Variants in NAPSA observed in about 807,000 individuals in gnomAD.
The protein encoded by NAPSA is napsin-A.
A neutral mutation model predicts 36.7 loss-of-function variants in NAPSA; 37 were observed. The ratio of observed to expected loss-of-function variants is 1.01; its 90% CI spans 0.78 to 1.33. The LOEUF is 1.33. NAPSA is among the 40% of genes most tolerant of loss of function. The probability of loss-of-function intolerance (pLI) is 0.00; values close to 1 mark genes in which losing one functional copy is unlikely to be tolerated. For synonymous variants in NAPSA, 222 were observed against 234.5 expected, an observed-to-expected ratio of 0.95 and a Z score of 0.49; for missense variants, 532 against 543.8, an observed-to-expected ratio of 0.98 and a Z score of 0.21.
At position 50,358,798 on chromosome 19, in the gene NAPSA, G is replaced by A. The variant is rs770333381; in HGVS notation, c.1036-18C>T. On this transcript the variant is annotated intron_variant, in intron 8 of 8. Transcript: ENST00000253719. ...CGAGTAGTCTGCAAGGCAACAAGAC[G>A]ACAACTGGGTGTCGCGGCCACAAGG... 4.4e-6 allele frequency: 7 copies of A among 1,591,178 alleles called. No individual in the cohort carries two copies. The East Asian group carries it at 9.0e-5, about 20-fold the overall frequency.
chr19:50,361,216 G>A (rs1195689877), intron 4 of NAPSA, 76 bp from the exon 5 acceptor site: 2 of 1,299,254 alleles, frequency 1.5e-6, no homozygotes, highest in African/African-American at 2.9e-5. Context: ...CCCAAACCAA[G>A]GCATGAATCC....
Position 50,359,631 on chromosome 19 carries a change from C to T in NAPSA, c.808G>A (p.Gly270Arg), listed in dbSNP as rs774413836. Residue 270 changes from glycine (G) to arginine (R), a missense_variant, in exon 7 of 9, where the codon GGG (glycine) becomes AGG (arginine). Gly to Arg is a moderately radical substitution (Grantham distance 125, BLOSUM62 -2). Transcript: ENST00000253719. Reference sequence around the variant, plus strand: ...CAGCCCTTGGCACAGAGAGTCAGCCCTGGGCCCACCTTCACACTGAGGGGG... The same window carrying T: ...CAGCCCTTGGCACAGAGAGTCAGCCTTGGGCCCACCTTCACACTGAGGGGG... ...IHMERVKVGP[G>R]LTLCAKGCAA... The T allele has an allele frequency of 6.2e-7, 1 of 1,614,228 alleles. No homozygotes were observed. Among genetic ancestry groups the T allele is most frequent in the East Asian group, 2.2e-5 (1 of 44,886 alleles).
Position 50,358,684 on chromosome 19 carries a change from A to G in NAPSA, c.1132T>C (p.Leu378=). 3.1e-6 allele frequency: 5 copies of G among 1,613,510 alleles called. No homozygotes were observed. Among genetic ancestry groups the G allele is most frequent in the Non-Finnish European group, 4.2e-6 (5 of 1,179,996 alleles). The change falls in exon 9 of 9, where the codon TTG becomes CTG. Residue 378 remains leucine, a synonymous_variant. Coordinates refer to ENST00000253719, the MANE Select transcript of NAPSA (RefSeq NM_004851.3). ...GPFWILGDVF[L]GTYVAVFDRG... is the part of the protein sequence containing the mutation. Reference sequence around the variant, plus strand: ...TCGAAGACGGCCACATACGTCCCCAAGAAGACGTCACCGAGGATCCAGAAG... The same window carrying G: ...TCGAAGACGGCCACATACGTCCCCAGGAAGACGTCACCGAGGATCCAGAAG...
At chr19:50,364,808 A>G (rs1412281646) in intron 1 of NAPSA, among the ~76,000 whole-genome samples, 2 of 147,724 alleles carry the variant, frequency 1.4e-5, no homozygotes, top group South Asian at 2.1e-4. Flanking sequence ...CCTGGCAAAC[A>G]TGGCGAAACC....
chr19:50,366,997 G>A (rs7252804), upstream of NAPSA, among the ~76,000 whole-genome samples: 2,226 of 152,124 alleles, frequency 0.015, 48 homozygotes, highest in African/African-American at 0.049. Flanking sequence ...GCTAGTTTTT[G>A]TATTTTTAGT....
intron 8 of NAPSA, 73 bp from the exon 9 acceptor site, chr19:50,358,853 C>T (rs2037431365): frequency 2.8e-6 from 4 of 1,417,176 alleles, no homozygotes; most frequent in Non-Finnish European, 3.8e-6. Context: ...CCCGTCCATC[C>T]CCCCCACCCT....
At chr19:50,363,041 T>G (rs1484907222) in intron 1 of NAPSA, among the ~76,000 whole-genome samples, 1 of 152,182 alleles carries the variant, frequency 6.6e-6, no homozygotes, top group Non-Finnish European at 1.5e-5. Flanking sequence ...TTCTTTGCAT[T>G]GACTTAGAAA....
upstream of NAPSA, chr19:50,365,750 C>T (rs1013506436): frequency 3.5e-5 from 24 of 693,336 alleles, no homozygotes; most frequent in East Asian, 2.0e-4. Context: ...CCGCAGGTGA[C>T]GCAGTGGGAC....
At chr19:50,367,572 CTCTCTCTCTGTCTCTG>C (rs1447772552), upstream of NAPSA, among the ~76,000 whole-genome samples, 12 of 150,974 alleles carry the variant, frequency 7.9e-5, no homozygotes, top group African/African-American at 2.9e-4. Context: ...CTCTCTCTCT[CTCTCTCTCTGTCTCTG>C]TCTCTCTCTC....
In NAPSA at chr19:50,358,622, C is replaced by G. The variant is rs769287848; in HGVS notation, c.1194G>C (p.Leu398=). 8 of 1,612,648 alleles carry G rather than the reference C, an allele frequency of 5.0e-6. No homozygotes were observed. Among genetic ancestry groups the G allele is most frequent in the South Asian group, 1.1e-5 (1 of 91,036 alleles). ...CCGCTCCGCGAGTGCGAGCGCGCGC[C>G]AGGCCCACCCGGGCGCTGCTCTTCA... ...GDMKSSARVG[L]ARARTRGADL... is the part of the protein sequence containing the mutation. The change falls in exon 9 of 9, where the codon CTG becomes CTC. Residue 398 remains leucine, a synonymous_variant. Coordinates refer to ENST00000253719, the MANE Select transcript of NAPSA (RefSeq NM_004851.3).
intron 1 of NAPSA, among the ~76,000 whole-genome samples, chr19:50,365,316 A>G (rs557714940): frequency 1.8e-4 from 28 of 152,312 alleles, no homozygotes; most frequent in Admixed American, 2.6e-4. Context: ...CCTGGGCAAC[A>G]GAGTGAGACT....
At position 50,359,616 on chromosome 19, in the gene NAPSA, C is replaced by T. The variant is rs374062681; in HGVS notation, c.823G>A (p.Ala275Thr). 6.2e-7 allele frequency: 1 copy of T among 1,614,096 alleles called. No individual in the cohort carries two copies. The highest frequency in any genetic ancestry group is 8.5e-7 in the Non-Finnish European group (1 of 1,180,050). The change falls in exon 7 of 9, where the codon GCC (alanine) becomes ACC (threonine). Residue 275 changes from alanine to threonine, a missense_variant. Transcript: ENST00000253719. ...TCCAGGATGGCAGCACAGCCCTTGG[C>T]ACAGAGAGTCAGCCCTGGGCCCACC... is the stretch of plus-strand genomic sequence containing the variant. Reference protein sequence around the residue: ...VKVGPGLTLCAKGCAAILDTG... With the variant: ...VKVGPGLTLCTKGCAAILDTG...
upstream of NAPSA, among the ~76,000 whole-genome samples, chr19:50,367,031 G>C (rs1192082406): frequency 1.3e-5 from 2 of 152,010 alleles, no homozygotes; most frequent in Non-Finnish European, 2.9e-5. Flanking sequence ...CATCATATTG[G>C]TCAGGCTGGT....
rs753918630 is a variant in NAPSA, at chr19:50,359,868, G to C, written c.669-6C>G. 14 of 1,613,548 alleles carry C rather than the reference G, an allele frequency of 8.7e-6. No homozygotes were observed. In the Admixed American group the frequency reaches 2.3e-4, roughly 27 times the overall value. ...CATCAGGCTCTTCAGGGTCCCTGCA[G>C]GGGCAGAGTGTAGAGAGTGTAGATG... On this transcript the variant is annotated splice_polypyrimidine_tract_variant and splice_region_variant and intron_variant, in intron 5 of 8. Coordinates refer to ENST00000253719, the MANE Select transcript of NAPSA (RefSeq NM_004851.3).
At chr19:50,365,015 AATAAT>A (rs2037528333) in intron 1 of NAPSA, among the ~76,000 whole-genome samples, 6 of 127,954 alleles carry the variant, frequency 4.7e-5, no homozygotes, top group Admixed American at 7.7e-5. Flanking sequence ...AATAATAAAT[AATAAT>A]AATAATAATA....
upstream of NAPSA, chr19:50,365,723 C>G (rs2037541386): frequency 4.2e-6 from 4 of 960,768 alleles, no homozygotes; most frequent in Admixed American, 9.2e-5. Context: ...AGAAGGAGAC[C>G]AGGACATGAA....
At chr19:50,368,796 CCCGTT>C (rs1238724271), upstream of NAPSA, among the ~76,000 whole-genome samples, 3 of 152,242 alleles carry the variant, frequency 2.0e-5, no homozygotes, top group Non-Finnish European at 4.4e-5. Flanking sequence ...CCAGCCGCCA[CCCGTT>C]TCTAGAGCTG....
intron 5 of NAPSA, 41 bp from the exon 6 acceptor site, chr19:50,359,903 CT>C: frequency 6.3e-7 from 1 of 1,590,954 alleles, no homozygotes. Flanking sequence ...GTCAGTGTCA[CT>C]GGCCCTCCCT....
Position 50,362,303 on chromosome 19 carries a change from G to A in NAPSA, c.94C>T (p.His32Tyr), listed in dbSNP as rs778165818. 1 of 1,605,892 alleles carries A rather than the reference G, an allele frequency of 6.2e-7. No individual in the cohort carries two copies. The highest frequency in any genetic ancestry group is 8.5e-7 in the Non-Finnish European group (1 of 1,175,604). Residue 32 changes from histidine (H) to tyrosine (Y), a missense_variant, in exon 2 of 9, where the codon CAT (histidine) becomes TAT (tyrosine). Physicochemically the swap from His to Tyr is moderately conservative, Grantham distance 83. Coordinates refer to ENST00000253719, the MANE Select transcript of NAPSA (RefSeq NM_004851.3). ...SGATLIRIPL[H>Y]RVQPGRRILN... ...ATCCTGCGTCCAGGTTGGACTCGAT[G>A]AAGAGGGATGCTGTAGGGAAAGAGG...
Sources: allele counts gnomAD v4.1 joint callset (sites outside exome capture counted in the v4.1 genomes callset), GRCh38; gene constraint gnomAD v4.1.1; transcripts MANE v1.5; gene names NCBI Gene and HGNC (gene_info 2026-07-23, HGNC 2026-07-21).